GRID1: variants seen among roughly 807,000 people sequenced by gnomAD.
GRID1 encodes glutamate ionotropic receptor delta type subunit 1, also known as glutamate receptor ionotropic, delta-1.
In GRID1, 28 loss-of-function variants were observed where a neutral mutation model predicts 98.0. That is an observed-to-expected ratio of 0.29 (90% CI 0.21 to 0.39). The LOEUF is 0.39. Among genes scored for constraint, GRID1 ranks in the 10% least tolerant of loss-of-function variants. The pLI is 1.00. For synonymous variants in GRID1, 553 were observed against 538.5 expected (o/e 1.03, Z -0.37); for missense variants, 1,111 against 1,340.5 (o/e 0.83, Z 2.67).
chr10:86,280,697 C>A (rs1045462898), intron 2 of GRID1, among the ~76,000 whole-genome samples: 5 of 152,306 alleles, frequency 3.3e-5, no homozygotes, highest in Admixed American at 3.3e-4. Flanking sequence ...TGGCCCCCTA[C>A]CTACTTTTCC....
chr10:85,852,424 C>T (rs920166961), intron 8 of GRID1, among the ~76,000 whole-genome samples: 1 of 152,138 alleles, frequency 6.6e-6, no homozygotes, highest in Non-Finnish European at 1.5e-5. Flanking sequence ...GTGCCTCCCC[C>T]TCTCTCAGGC....
Position 86,312,069 on chromosome 10 carries a change from C to T in GRID1, c.235+51872G>A, listed in dbSNP as rs145211717. Among the ~76,000 whole-genome samples the T allele has an allele frequency of 7.2e-4, 110 of 152,344 alleles. 1 individual carries two copies. In the East Asian group the frequency reaches 0.019, roughly 26 times the overall value. ...GTGCAAAGTGCCTTGTGGCTGACTG[C>T]CACCGCACAGGCTCTTTCTGCTGAC... On this transcript the variant is annotated intron_variant, in intron 2 of 15. Coordinates refer to ENST00000327946, the MANE Select transcript of GRID1 (RefSeq NM_017551.3).
chr10:86,297,398 C>A (rs1361400300), intron 2 of GRID1, among the ~76,000 whole-genome samples: 1 of 152,078 alleles, frequency 6.6e-6, no homozygotes, highest in Non-Finnish European at 1.5e-5. Context: ...TAATAAATTG[C>A]GCTGATAGTT....
chr10:85,896,513 C>T (rs761165171), intron 5 of GRID1, among the ~76,000 whole-genome samples: 15 of 152,144 alleles, frequency 9.9e-5, no homozygotes, highest in Non-Finnish European at 1.8e-4. Flanking sequence ...TTTTAATAAT[C>T]TCTCTCTTAT....
intron 5 of GRID1, among the ~76,000 whole-genome samples, chr10:85,869,574 G>C (rs1843256503): frequency 6.6e-6 from 1 of 152,184 alleles, no homozygotes; most frequent in Admixed American, 6.5e-5. Flanking sequence ...TGCCATAGTT[G>C]ATCAATATAC....
chr10:85,868,491 G>T (rs1359001777), intron 6 of GRID1, among the ~76,000 whole-genome samples: 1 of 152,174 alleles, frequency 6.6e-6, no homozygotes, highest in Admixed American at 6.5e-5. Flanking sequence ...TGCGGGTGGG[G>T]TTCCATGTTA....
chr10:86,274,232 G>A (rs1236723731), intron 2 of GRID1, among the ~76,000 whole-genome samples: 1 of 152,048 alleles, frequency 6.6e-6, no homozygotes, highest in Admixed American at 6.6e-5. Flanking sequence ...TAGATATGCG[G>A]CATTATTTCT....
At chr10:86,115,840 G>C (rs953679475) in intron 4 of GRID1, among the ~76,000 whole-genome samples, 1 of 152,216 alleles carries the variant, frequency 6.6e-6, no homozygotes, top group Non-Finnish European at 1.5e-5. Flanking sequence ...CAACATTTCA[G>C]TTAACCATGT....
At chr10:86,305,465 G>A (rs947757341) in intron 2 of GRID1, among the ~76,000 whole-genome samples, 2 of 152,236 alleles carry the variant, frequency 1.3e-5, no homozygotes, top group African/African-American at 4.8e-5. Context: ...AGTTGTTACT[G>A]CATAACCATG....
intron 2 of GRID1, among the ~76,000 whole-genome samples, chr10:86,305,344 CT>C: frequency 6.6e-6 from 1 of 152,344 alleles, no homozygotes. Context: ...GGGCCTGTGC[CT>C]GCTCTGAGAT....
In GRID1 at chr10:85,845,433, T is replaced by A. The variant is rs73334797; in HGVS notation, c.1233+9063A>T. Among the ~76,000 whole-genome samples the A allele has an allele frequency of 5.7e-3, 868 of 152,342 alleles. 8 individuals are homozygous for A. Among genetic ancestry groups the A allele is most frequent in the African/African-American group, 0.02 (816 of 41,580 alleles). ...GCCATAAATAAATTGAGGGGTATACTATATTCATGAATTAGGTTACTCAAT... is the reference window on the plus strand; with the variant it reads ...GCCATAAATAAATTGAGGGGTATACAATATTCATGAATTAGGTTACTCAAT... On this transcript the variant is annotated intron_variant, in intron 8 of 15. Transcript: ENST00000327946.
chr10:85,927,807 T>C (rs1171151465), intron 4 of GRID1, among the ~76,000 whole-genome samples: 1 of 152,144 alleles, frequency 6.6e-6, no homozygotes, highest in Non-Finnish European at 1.5e-5. Context: ...TATGGTCAGA[T>C]CTGGATTCCA....
chr10:86,130,424 C>G (rs1278054729), intron 4 of GRID1, among the ~76,000 whole-genome samples: 1 of 152,242 alleles, frequency 6.6e-6, no homozygotes, highest in East Asian at 1.9e-4. Context: ...ACAAATGTTG[C>G]CTTTTGGCCT....
chr10:85,803,408 T>C (rs528659629), intron 8 of GRID1, among the ~76,000 whole-genome samples: 4 of 152,138 alleles, frequency 2.6e-5, no homozygotes, highest in East Asian at 1.9e-4. Context: ...AAACCCCACA[T>C]ACAAACTTAA....
chr10:86,311,854 C>A (rs1267007420), intron 2 of GRID1, among the ~76,000 whole-genome samples: 3 of 152,214 alleles, frequency 2.0e-5, no homozygotes, highest in African/African-American at 7.2e-5. Flanking sequence ...CAGAGTGAGA[C>A]CTTGTCTTAA....
At chr10:86,236,481 T>C (rs1458328549) in intron 2 of GRID1, among the ~76,000 whole-genome samples, 1 of 152,140 alleles carries the variant, frequency 6.6e-6, no homozygotes, top group African/African-American at 2.4e-5. Flanking sequence ...CCCCACTTCA[T>C]CCCTAGAAGT....
At chr10:85,830,002 G>T (rs991962528) in intron 8 of GRID1, among the ~76,000 whole-genome samples, 1 of 151,994 alleles carries the variant, frequency 6.6e-6, no homozygotes, top group Non-Finnish European at 1.5e-5. Flanking sequence ...AATAACCAAA[G>T]CAATCCTAAG....
chr10:85,659,718 G>A (rs1034528167), intron 12 of GRID1, among the ~76,000 whole-genome samples: 2 of 152,298 alleles, frequency 1.3e-5, no homozygotes, highest in Non-Finnish European at 2.9e-5. Context: ...GGAATTGGGA[G>A]GAGAAGGTGT....
intron 6 of GRID1, among the ~76,000 whole-genome samples, chr10:85,857,798 AG>A (rs372709866): frequency 3.3e-5 from 5 of 152,162 alleles, no homozygotes; most frequent in African/African-American, 9.7e-5. Flanking sequence ...GGCTGCAAAA[AG>A]AACCCCTCCT....
Sources: allele counts gnomAD v4.1 joint callset (sites outside exome capture counted in the v4.1 genomes callset), GRCh38; gene constraint gnomAD v4.1.1; transcripts MANE v1.5; gene names NCBI Gene and HGNC (gene_info 2026-07-23, HGNC 2026-07-21).